Variants in TTC4 observed in about 807,000 individuals in gnomAD.
TTC4 encodes tetratricopeptide repeat domain 4.
TTC4 carries 36 observed loss-of-function variants against 51.9 expected under a neutral mutation model. The ratio of observed to expected loss-of-function variants is 0.69; its 90% CI spans 0.53 to 0.92. TTC4 has a LOEUF of 0.92. TTC4 is among the 40% of genes least tolerant of loss of function. TTC4 has a pLI of 0.00. For synonymous variants in TTC4, 144 were observed against 164.2 expected (o/e 0.88, Z 0.94); for missense variants, 399 against 454.6 (o/e 0.88, Z 1.11).
chr1:54,741,496 G>T lies in TTC4; in HGVS notation c.1147G>T (p.Val383Leu). The change falls in exon 10 of 10, where the codon GTG becomes TTG. Residue 383 changes from valine to leucine, a missense_variant. By Grantham distance (32) the Val-to-Leu change is conservative. Coordinates refer to ENST00000371281, the MANE Select transcript of TTC4 (RefSeq NM_004623.5). ...CAAGAATTTTCTCCGGGGGAGAAAG[G>T]TGTACCAGATACGATGACTAAGCCA... ...FCKNFLRGRK[V>L]YQIR 1 of 1,614,044 alleles carries T rather than the reference G, an allele frequency of 6.2e-7. No individual in the cohort carries two copies. Among genetic ancestry groups the T allele is most frequent in the Admixed American group, 1.7e-5 (1 of 60,016 alleles).
At chr1:54,736,948 G>A (rs1036778490) in intron 8 of TTC4, 1 of 152,634 alleles carries the variant, frequency 6.6e-6, no homozygotes, top group Admixed American at 6.5e-5. Flanking sequence ...CCTCACCCTA[G>A]TTGGGCCTGT....
At chr1:54,731,378 A>T (rs1174848883) in intron 6 of TTC4, 108 bp from the exon 7 acceptor site, 7 of 988,530 alleles carry the variant, frequency 7.1e-6, no homozygotes, top group South Asian at 2.1e-5. Flanking sequence ...AATAAAAAAT[A>T]AAAAAATTAG....
chr1:54,741,593 C>A lies in TTC4; in HGVS notation c.*80C>A. 1 of 1,192,568 alleles carries A rather than the reference C, an allele frequency of 8.4e-7. No homozygotes were observed. The highest frequency in any genetic ancestry group is 1.2e-6 in the Non-Finnish European group (1 of 802,560). 73.9% of individuals were successfully genotyped at this position (1,192,568 alleles called of 1,614,324 possible). ...ACACCTGAATCAGCTGGACATACTG[C>A]TGGAGTCCAGTGCTTTCTTTCCGTC... On this transcript the variant is annotated 3_prime_UTR_variant, in exon 10 of 10. Coordinates refer to ENST00000371281, the MANE Select transcript of TTC4 (RefSeq NM_004623.5).
At chr1:54,737,849 A>T (rs1256039325) in intron 9 of TTC4, among the ~76,000 whole-genome samples, 185 bp downstream of exon 9, 1 of 152,206 alleles carries the variant, frequency 6.6e-6, no homozygotes, top group Non-Finnish European at 1.5e-5. Context: ...AGGAGGAGCA[A>T]GTCACCTCTT....
chr1:54,736,224 AGAGGAGAGGAGAGAG>A (rs1557752992), intron 8 of TTC4, among the ~76,000 whole-genome samples: 4 of 82,490 alleles, frequency 4.8e-5, no homozygotes, highest in South Asian at 4.5e-4. Flanking sequence ...GAGAGAGAGA[AGAGGAGAGGAGAGAG>A]AAGAGAGGAG....
rs1557757084 is a variant in TTC4, at chr1:54,742,415, GTCT to G, written c.*903_*905del. On this transcript the variant is annotated 3_prime_UTR_variant, in exon 10 of 10. Transcript: ENST00000371281. ...TATGCACAGGCATGAGCTGTCCTGC[GTCT>G]GACAGAAGCCTGAAGAGTCATGTGT... The G allele has an allele frequency of 2.6e-5, 4 of 152,354 alleles. No individual in the cohort carries two copies. The East Asian group carries it at 7.7e-4, about 29-fold the overall frequency. 9.4% of individuals were successfully genotyped at this position (152,354 alleles called of 1,614,324 possible). A position where few individuals can be genotyped will look rare whatever the true frequency, so the allele number is the denominator to read the frequency against.
Position 54,717,673 on chromosome 1 carries a change from TG to T in TTC4, c.391+21del. 6.6e-7 allele frequency: 1 copy of T among 1,504,030 alleles called. No individual in the cohort carries two copies. Among genetic ancestry groups the T allele is most frequent in the Non-Finnish European group, 8.9e-7 (1 of 1,126,230 alleles). The allele number at this position is 1,504,030 out of a possible 1,614,324, so 93.2% of individuals were successfully genotyped here. A position where few individuals can be genotyped will look rare whatever the true frequency, so the allele number is the denominator to read the frequency against. On this transcript the variant is annotated intron_variant, in intron 3 of 9. Coordinates refer to ENST00000371281, the MANE Select transcript of TTC4 (RefSeq NM_004623.5). ...ATCTGGGTAATTTATAAGTGCTTTC[TG>T]AAGAATAAACTTATGATACAAGCCA... is the stretch of plus-strand genomic sequence containing the variant.
intron 5 of TTC4, among the ~76,000 whole-genome samples, chr1:54,726,601 A>G (rs908192632): frequency 4.6e-5 from 7 of 152,226 alleles, no homozygotes; most frequent in African/African-American, 1.4e-4. Flanking sequence ...GCATCAAAAA[A>G]CACTTATGAG....
In TTC4 at chr1:54,733,576, G is replaced by A. The variant is rs1645895896; in HGVS notation, c.897-53G>A. The A allele has an allele frequency of 2.8e-6, 4 of 1,428,856 alleles. No individual in the cohort carries two copies. The South Asian group carries it at 5.1e-5, about 18-fold the overall frequency. The allele number at this position is 1,428,856 out of a possible 1,614,324, so 88.5% of individuals were successfully genotyped here. A position where few individuals can be genotyped will look rare whatever the true frequency, so the allele number is the denominator to read the frequency against. On this transcript the variant is annotated intron_variant, in intron 7 of 9. Coordinates refer to ENST00000371281, the MANE Select transcript of TTC4 (RefSeq NM_004623.5). ...GAATTAGTGTCTGGGGACCGATGTG[G>A]GAAAATAGATCATGAGTTATTGATA... is the stretch of plus-strand genomic sequence containing the variant.
chr1:54,737,609 G>C lies in TTC4; in HGVS notation c.1006G>C (p.Glu336Gln), dbSNP rs751560306. ...EVYFEDEDRA[E>Q]LYRVPAKSTL... ...CTACTTTGAGGATGAGGACAGGGCAGAACTATACCGGGTGCCTGCCAAGAG... is the reference window on the plus strand; with the variant it reads ...CTACTTTGAGGATGAGGACAGGGCACAACTATACCGGGTGCCTGCCAAGAG... The change falls in exon 9 of 10, where the codon GAA (glutamate) becomes CAA (glutamine). Residue 336 changes from glutamate to glutamine, a missense_variant. Transcript: ENST00000371281. The C allele has an allele frequency of 5.6e-6, 9 of 1,613,540 alleles. No homozygotes were observed. In the African/African-American group the frequency reaches 9.3e-5, roughly 17 times the overall value.
At chr1:54,740,829 C>T (rs750938520) in intron 9 of TTC4, among the ~76,000 whole-genome samples, 1 of 152,168 alleles carries the variant, frequency 6.6e-6, no homozygotes. Context: ...ATTCTGGTTA[C>T]TTGCACCTCC....
chr1:54,721,280 G>C, intron 4 of TTC4, 40 bp downstream of exon 4: 11 of 1,596,064 alleles, frequency 6.9e-6, no homozygotes, highest in Non-Finnish European at 9.4e-6. Flanking sequence ...TTAAAGCTTT[G>C]ATATGAAGGT....
intron 3 of TTC4, 170 bp downstream of exon 3, chr1:54,717,823 A>G: frequency 1.8e-6 from 1 of 566,494 alleles, no homozygotes; most frequent in Non-Finnish European, 2.7e-6. Context: ...ATGAAAAGAG[A>G]AACAGGATGG....
intron 6 of TTC4, among the ~76,000 whole-genome samples, chr1:54,729,053 G>C (rs185258113): frequency 6.6e-6 from 1 of 152,264 alleles, no homozygotes; most frequent in Admixed American, 6.5e-5. Flanking sequence ...GTACTCTTGT[G>C]CTTTGGGGTC....
At chr1:54,738,980 G>A (rs781403060) in intron 9 of TTC4, among the ~76,000 whole-genome samples, 4 of 151,188 alleles carry the variant, frequency 2.6e-5, no homozygotes, top group African/African-American at 4.9e-5. Context: ...TTTCCTAATC[G>A]TACCTATACC....
rs1645670211 is a variant in TTC4 at position 54,716,019 on chromosome 1, G to C, written c.111G>C (p.Lys37Asn). The C allele has an allele frequency of 1.3e-6, 2 of 1,579,844 alleles. No individual in the cohort carries two copies. The highest frequency in any genetic ancestry group is 1.4e-5 in the African/African-American group (1 of 73,856). Residue 37 changes from lysine to asparagine, a missense_variant and splice_region_variant, in exon 1 of 10, where the codon AAG (lysine) becomes AAC (asparagine). This residue lies in a region of TTC4 where 316 missense variants were observed against 349.6 expected (regional missense o/e 0.90). Transcript: ENST00000371281. ...RGGFHEDQWE[K>N]EFEKVPLFMS... is the part of the protein sequence containing the mutation. ...GCTTTCATGAGGACCAGTGGGAGAA[G>C]GTGGGCGGTCCTGGGGTCTCCCCAC... is the stretch of plus-strand genomic sequence containing the variant.
At position 54,721,166 on chromosome 1, in the gene TTC4, A is replaced by G. The variant is rs1645739247; in HGVS notation, c.395A>G (p.Asn132Ser). The G allele has an allele frequency of 1.2e-6, 2 of 1,613,266 alleles. No homozygotes were observed. The highest frequency in any genetic ancestry group is 1.3e-5 in the African/African-American group (1 of 75,000). Residue 132 changes from asparagine to serine, a missense_variant, in exon 4 of 10, where the codon AAT (asparagine) becomes AGT (serine). This residue lies in a region of TTC4 where 316 missense variants were observed against 349.6 expected (regional missense o/e 0.90). Coordinates refer to ENST00000371281, the MANE Select transcript of TTC4 (RefSeq NM_004623.5). ...NRAAAQYYLG[N>S]FRSALNDVTA... ...TTACTAAACGGTGTTTTGTTAGGCA[A>G]TTTTCGTTCTGCTCTCAATGATGTG...
chr1:54,719,609 A>G (rs751144564), intron 3 of TTC4, among the ~76,000 whole-genome samples: 1 of 152,182 alleles, frequency 6.6e-6, no homozygotes, highest in Admixed American at 6.5e-5. Flanking sequence ...ACTTAATTTT[A>G]TAACAAACAA....
intron 5 of TTC4, among the ~76,000 whole-genome samples, chr1:54,726,149 A>G (rs1375656063): frequency 6.6e-6 from 1 of 152,208 alleles, no homozygotes; most frequent in African/African-American, 2.4e-5. Context: ...ACTTAAAGTG[A>G]TCTCTACCTA....
Sources: allele counts gnomAD v4.1 joint callset (sites outside exome capture counted in the v4.1 genomes callset), GRCh38; gene constraint gnomAD v4.1.1; regional missense constraint gnomAD v4.1.1; transcripts MANE v1.5; gene names NCBI Gene and HGNC (gene_info 2026-07-23, HGNC 2026-07-21).